EML6: variants seen among roughly 807,000 people sequenced by gnomAD.
EML6 encodes EMAP like 6.
A neutral mutation model predicts 240.1 loss-of-function variants in EML6; 154 were observed. That is an observed-to-expected ratio of 0.64 (90% CI 0.56 to 0.73). EML6 has a LOEUF of 0.73. Among genes scored for constraint, EML6 ranks in the 30% least tolerant of loss-of-function variants. The pLI, the probability that EML6 is intolerant of heterozygous loss-of-function variation, is 0.00. For synonymous variants in EML6, 1,148 were observed against 899.0 expected, an observed-to-expected ratio of 1.28 and a Z score of -4.95; for missense variants, 2,964 against 2,474.6, an observed-to-expected ratio of 1.20 and a Z score of -4.20.
rs554860310 is a variant in EML6, at chr2:54,831,701, G to T, written c.847+2224G>T. Among the ~76,000 whole-genome samples the T allele has an allele frequency of 2.0e-5, 3 of 152,312 alleles. No individual in the cohort carries two copies. The East Asian group carries it at 5.8e-4, about 29-fold the overall frequency. ...ATCTTAGATGGCTTACTGATAAGGC[G>T]GTAGCCTGCATTTTGTAGGGAGAAA... On this transcript the variant is annotated intron_variant, in intron 7 of 41. Transcript: ENST00000356458.
chr2:54,908,414 C>T (rs13020490), intron 24 of EML6, among the ~76,000 whole-genome samples: 11,937 of 152,052 alleles, frequency 0.079, 583 homozygotes, highest in South Asian at 0.15. Flanking sequence ...GGGGTTTCAC[C>T]ATGTTGCCCA....
chr2:54,839,993 G>T (rs948258674), intron 7 of EML6, among the ~76,000 whole-genome samples: 1 of 152,136 alleles, frequency 6.6e-6, no homozygotes, highest in East Asian at 1.9e-4. Context: ...CCCCAAATAA[G>T]GTTAAAAATA....
Position 54,834,932 on chromosome 2 carries a change from A to G in EML6, c.847+5455A>G, listed in dbSNP as rs142875674. ...TTGAACTTTATGTGAGCCAGATCACATAATTGCTTTCCTCAAAACCCTGCA... is the reference window on the plus strand; with the variant it reads ...TTGAACTTTATGTGAGCCAGATCACGTAATTGCTTTCCTCAAAACCCTGCA... On this transcript the variant is annotated intron_variant, in intron 7 of 41. Coordinates refer to ENST00000356458, the MANE Select transcript of EML6 (RefSeq NM_001039753.4). 1.5e-3 allele frequency among the ~76,000 whole-genome samples: 221 copies of G among 152,344 alleles called. 2 individuals are homozygous for G. The highest frequency in any genetic ancestry group is 4.9e-3 in the African/African-American group (202 of 41,568).
chr2:54,758,109 C>T (rs1047487601), intron 2 of EML6, among the ~76,000 whole-genome samples: 1 of 151,930 alleles, frequency 6.6e-6, no homozygotes, highest in Non-Finnish European at 1.5e-5. Flanking sequence ...TTCTTCTGTT[C>T]TCGTATGCAT....
chr2:54,902,031 C>T (rs776923077), intron 22 of EML6, among the ~76,000 whole-genome samples: 3 of 152,092 alleles, frequency 2.0e-5, no homozygotes, highest in Non-Finnish European at 2.9e-5. Context: ...TTCCATTCTT[C>T]GCGTGACAGA....
chr2:54,743,781 T>C (rs1352616223), intron 2 of EML6, among the ~76,000 whole-genome samples: 1 of 152,236 alleles, frequency 6.6e-6, no homozygotes, highest in Non-Finnish European at 1.5e-5. Flanking sequence ...ATTATTGTGC[T>C]AACATTATAT....
At chr2:54,942,223 AG>A (rs1472183390) in intron 28 of EML6, among the ~76,000 whole-genome samples, 2 of 152,216 alleles carry the variant, frequency 1.3e-5, no homozygotes, top group Non-Finnish European at 2.9e-5. Context: ...CCAGAAGTAA[AG>A]TGTTGGAAAA....
chr2:54,734,812 C>T (rs1683323519), intron 2 of EML6, among the ~76,000 whole-genome samples: 1 of 152,202 alleles, frequency 6.6e-6, no homozygotes, highest in South Asian at 2.1e-4. Context: ...GTGAGTGTAG[C>T]TATCTAACAT....
intron 41 of EML6, among the ~76,000 whole-genome samples, chr2:54,969,369 A>G (rs888543120): frequency 6.6e-6 from 1 of 152,184 alleles, no homozygotes; most frequent in Non-Finnish European, 1.5e-5. Flanking sequence ...GGTCTGAGTT[A>G]GGTTGTAAGA....
chr2:54,962,862 C>G (rs1383827067), intron 36 of EML6, among the ~76,000 whole-genome samples, 151 bp downstream of exon 36: 1 of 152,136 alleles, frequency 6.6e-6, no homozygotes, highest in Non-Finnish European at 1.5e-5. Context: ...TAAAAGAAGC[C>G]CCACTCACCA....
intron 28 of EML6, among the ~76,000 whole-genome samples, chr2:54,929,305 T>TATA (rs1674729953): frequency 6.6e-6 from 1 of 152,230 alleles, no homozygotes; most frequent in African/African-American, 2.4e-5. Flanking sequence ...GGATCCTCTA[T>TATA]ATAGAATGAG....
intron 28 of EML6, among the ~76,000 whole-genome samples, chr2:54,935,136 C>G (rs1030411383): frequency 1.3e-5 from 2 of 152,092 alleles, no homozygotes; most frequent in Non-Finnish European, 2.9e-5. Context: ...TAGGTTGTCA[C>G]GTTTGGTCTT....
At chr2:54,780,048 T>A (rs1668784556) in intron 2 of EML6, among the ~76,000 whole-genome samples, 1 of 152,068 alleles carries the variant, frequency 6.6e-6, no homozygotes, top group Admixed American at 6.5e-5. Context: ...ACCTCCTAAT[T>A]CGGCTTTCCA....
intron 2 of EML6, among the ~76,000 whole-genome samples, chr2:54,812,169 T>A (rs1028405966): frequency 6.6e-6 from 1 of 152,196 alleles, no homozygotes; most frequent in South Asian, 2.1e-4. Context: ...CTATATCATC[T>A]ATTTTCTGTA....
rs575865393 is a variant in EML6, at chr2:54,865,859, A to G, written c.1933-907A>G. Among the ~76,000 whole-genome samples, 4 of 152,330 alleles carry G rather than the reference A, an allele frequency of 2.6e-5. No individual in the cohort carries two copies. The South Asian group carries it at 8.3e-4, about 32-fold the overall frequency. On this transcript the variant is annotated intron_variant, in intron 13 of 41. Coordinates refer to ENST00000356458, the MANE Select transcript of EML6 (RefSeq NM_001039753.4). Reference sequence around the variant, plus strand: ...GGGATTTTTTAACTCAATTTTACAGATGAGAATTTGAAGCCCACAGAGGTT... The same window carrying G: ...GGGATTTTTTAACTCAATTTTACAGGTGAGAATTTGAAGCCCACAGAGGTT...
chr2:54,889,564 C>T (rs936831859), intron 17 of EML6, among the ~76,000 whole-genome samples: 1 of 150,638 alleles, frequency 6.6e-6, no homozygotes, highest in Non-Finnish European at 1.5e-5. Context: ...TAAATAGAGT[C>T]CTCTCCTCCA....
intron 7 of EML6, among the ~76,000 whole-genome samples, chr2:54,836,853 T>G (rs1389314757): frequency 6.6e-6 from 1 of 152,174 alleles, no homozygotes; most frequent in Non-Finnish European, 1.5e-5. Context: ...GAGATGCATG[T>G]CTTTCCTCCT....
At chr2:54,733,641 G>A (rs1224596945) in intron 2 of EML6, among the ~76,000 whole-genome samples, 1 of 152,098 alleles carries the variant, frequency 6.6e-6, no homozygotes, top group Non-Finnish European at 1.5e-5. Flanking sequence ...GATTCATTTT[G>A]CACATGGCCA....
intron 26 of EML6, among the ~76,000 whole-genome samples, chr2:54,919,495 C>A (rs535208062): frequency 6.6e-6 from 1 of 152,196 alleles, no homozygotes; most frequent in African/African-American, 2.4e-5. Flanking sequence ...AGATACACAT[C>A]TGTTTCTGTC....
Sources: gnomAD v4.1 joint callset for allele counts (sites outside exome capture counted in the v4.1 genomes callset) on GRCh38, gnomAD v4.1.1 for gene constraint, MANE v1.5 for transcripts, NCBI Gene and HGNC (gene_info 2026-07-23, HGNC 2026-07-21) for gene names.